DPP10: variants seen among roughly 807,000 people sequenced by gnomAD.
DPP10 encodes inactive dipeptidyl peptidase 10.
DPP10 carries 33 observed loss-of-function variants against 120.9 expected under a neutral mutation model. The ratio of observed to expected loss-of-function variants is 0.27; its 90% confidence interval spans 0.21 to 0.37. DPP10 has a LOEUF of 0.37. DPP10 is among the 10% of genes least tolerant of loss of function. The pLI, the probability that DPP10 is intolerant of heterozygous loss-of-function variation, is 1.00. For synonymous variants in DPP10, 337 were observed against 326.1 expected, an observed-to-expected ratio of 1.03 and a Z score of -0.36; for missense variants, 816 against 942.8, an observed-to-expected ratio of 0.87 and a Z score of 1.76.
intron 1 of DPP10, among the ~76,000 whole-genome samples, chr2:115,110,378 G>A (rs946371705): frequency 2.0e-5 from 3 of 152,096 alleles, no homozygotes; most frequent in Non-Finnish European, 4.4e-5. Context: ...TGCCTGTCTT[G>A]GAGATGAAAA....
intron 1 of DPP10, among the ~76,000 whole-genome samples, chr2:114,995,437 GA>G: frequency 6.9e-6 from 1 of 145,470 alleles, no homozygotes; most frequent in Non-Finnish European, 1.5e-5. Context: ...AAAAAAAAAT[GA>G]GTGCTGTATC....
chr2:114,817,332 A>G (rs1463341402), intron 1 of DPP10, among the ~76,000 whole-genome samples: 1 of 150,852 alleles, frequency 6.6e-6, no homozygotes, highest in African/African-American at 2.4e-5. Context: ...ACATGAAAGG[A>G]TTTAACCAAA....
intron 1 of DPP10, among the ~76,000 whole-genome samples, chr2:114,654,373 A>G (rs1160590285): frequency 6.6e-6 from 1 of 152,204 alleles, no homozygotes; most frequent in East Asian, 1.9e-4. Flanking sequence ...TGGCTGTTGC[A>G]AACAATTTAA....
intron 1 of DPP10, among the ~76,000 whole-genome samples, chr2:115,003,348 C>T (rs980511409): frequency 6.6e-6 from 1 of 151,872 alleles, no homozygotes; most frequent in African/African-American, 2.4e-5. Flanking sequence ...ACAAAAGAGT[C>T]TGGGGCCTAC....
chr2:115,240,851 A>G (rs1396792095), intron 1 of DPP10, among the ~76,000 whole-genome samples: 7 of 152,260 alleles, frequency 4.6e-5, no homozygotes, highest in Non-Finnish European at 1.0e-4. Flanking sequence ...TTCAGGCTTC[A>G]GTAACTTGCT....
intron 19 of DPP10, among the ~76,000 whole-genome samples, chr2:115,810,451 A>G (rs1416361247): frequency 6.6e-6 from 1 of 152,132 alleles, no homozygotes; most frequent in African/African-American, 2.4e-5. Context: ...TTTTTATGTC[A>G]TAAAGAGGTG....
At chr2:115,042,950 C>T (rs1704778117) in intron 1 of DPP10, among the ~76,000 whole-genome samples, 1 of 152,076 alleles carries the variant, frequency 6.6e-6, no homozygotes, top group Non-Finnish European at 1.5e-5. Flanking sequence ...TAAATAATTT[C>T]ATCATTTTAA....
rs1011241407 is a variant in DPP10, at chr2:115,118,723, G to A, written c.61-190516G>A. 1.3e-4 allele frequency among the ~76,000 whole-genome samples: 20 copies of A among 151,196 alleles called. 1 individual carries two copies. On this transcript the variant is annotated intron_variant, in intron 1 of 25. Coordinates refer to ENST00000410059, the MANE Select transcript of DPP10 (RefSeq NM_020868.6). ...GTCTCCCAAGTAGCTGGGGCTACAA[G>A]CACATGCCACCACACACAGCTAATT... is the stretch of plus-strand genomic sequence containing the variant.
intron 4 of DPP10, among the ~76,000 whole-genome samples, chr2:115,513,446 T>G (rs1158004330): frequency 2.0e-5 from 3 of 151,932 alleles, no homozygotes; most frequent in Non-Finnish European, 4.4e-5. Flanking sequence ...ATATGTCATT[T>G]TTGTTTCTCC....
intron 3 of DPP10, among the ~76,000 whole-genome samples, chr2:115,461,550 A>C (rs1024496383): frequency 1.3e-5 from 2 of 152,126 alleles, no homozygotes; most frequent in Non-Finnish European, 2.9e-5. Flanking sequence ...ATAAGCAAAA[A>C]CTGGTAACTC....
At chr2:115,792,207 A>T (rs1046376970) in intron 19 of DPP10, among the ~76,000 whole-genome samples, 1 of 152,110 alleles carries the variant, frequency 6.6e-6, no homozygotes, top group African/African-American at 2.4e-5. Context: ...TTAACCTCCT[A>T]CAAGGCTAAG....
chr2:114,705,859 T>C (rs945397573), intron 1 of DPP10, among the ~76,000 whole-genome samples: 1 of 152,196 alleles, frequency 6.6e-6, no homozygotes, highest in Non-Finnish European at 1.5e-5. Context: ...GGGTTGATCA[T>C]GGTGGCAATT....
intron 5 of DPP10, among the ~76,000 whole-genome samples, chr2:115,636,629 A>G (rs2086356556): frequency 6.6e-6 from 1 of 152,146 alleles, no homozygotes; most frequent in South Asian, 2.1e-4. Context: ...AGAGAAGGAG[A>G]AAAAGTGAGA....
intron 1 of DPP10, among the ~76,000 whole-genome samples, chr2:114,578,224 T>C (rs545085095): frequency 1.3e-5 from 2 of 152,332 alleles, no homozygotes; most frequent in Non-Finnish European, 2.9e-5. Flanking sequence ...GAATCAATTA[T>C]ACAAATGTAT....
chr2:114,635,796 A>G (rs1695261155), intron 1 of DPP10, among the ~76,000 whole-genome samples: 1 of 151,996 alleles, frequency 6.6e-6, no homozygotes. Flanking sequence ...CATTTTAAAA[A>G]TATTTTTAAT....
intron 1 of DPP10, among the ~76,000 whole-genome samples, chr2:114,949,444 C>A (rs1697613068): frequency 6.6e-6 from 1 of 152,158 alleles, no homozygotes; most frequent in South Asian, 2.1e-4. Flanking sequence ...CCACTTTCTA[C>A]CCCAGCTATT....
chr2:114,919,879 C>T (rs1879122), intron 1 of DPP10, among the ~76,000 whole-genome samples: 150,350 of 152,294 alleles, frequency 0.99, 74,249 homozygotes, highest in East Asian at 1. Context: ...TTAGAAGAGA[C>T]AGGTGCCAGT....
At chr2:115,587,785 A>T (rs2082386625) in intron 5 of DPP10, among the ~76,000 whole-genome samples, 1 of 152,212 alleles carries the variant, frequency 6.6e-6, no homozygotes, top group African/African-American at 2.4e-5. Context: ...AAAGTGTTTG[A>T]TCACATGTTG....
chr2:115,754,129 A>G (rs1679097948), intron 11 of DPP10, among the ~76,000 whole-genome samples: 1 of 152,220 alleles, frequency 6.6e-6, no homozygotes, highest in East Asian at 1.9e-4. Context: ...TATTCACAAC[A>G]CTTTTGAGAC....
Sources: allele counts gnomAD v4.1 joint callset (sites outside exome capture counted in the v4.1 genomes callset), GRCh38; gene constraint gnomAD v4.1.1; transcripts MANE v1.5; gene names NCBI Gene and HGNC (gene_info 2026-07-23, HGNC 2026-07-21).